Variants in FAM83B observed in about 807,000 individuals in gnomAD.
FAM83B encodes protein FAM83B.
Under a neutral mutation model 38.8 loss-of-function variants are expected in FAM83B, and 26 were observed. That is an observed-to-expected ratio of 0.67 (90% CI 0.49 to 0.93). FAM83B has a LOEUF of 0.93. FAM83B is among the 40% of genes least tolerant of loss of function. The pLI is 0.00. For synonymous variants in FAM83B, 419 were observed against 423.1 expected (o/e 0.99, Z 0.12); for missense variants, 1,237 against 1,197.3 (o/e 1.03, Z -0.49).
intron 1 of FAM83B, among the ~76,000 whole-genome samples, chr6:54,867,649 T>C (rs1248520250): frequency 2.6e-5 from 4 of 152,140 alleles, no homozygotes; most frequent in Middle Eastern, 3.2e-3. Flanking sequence ...AATTTATCTA[T>C]GTTTTCATGG....
chr6:54,891,688 CCTCT>C lies in FAM83B; in HGVS notation c.444+21005_444+21008del, dbSNP rs1221527141. The stretch of plus-strand genomic sequence containing the variant: ...GAAAACTCACTACACTTTTTCTCAT[CCTCT>C]CTCTCTGTTAAAGGCATCATCACAT... On this transcript the variant is annotated intron_variant, in intron 2 of 4. Coordinates refer to ENST00000306858, the MANE Select transcript of FAM83B (RefSeq NM_001010872.3). Among the ~76,000 whole-genome samples, 5 of 152,116 alleles carry C rather than the reference CCTCT, an allele frequency of 3.3e-5. No individual in the cohort carries two copies. In the East Asian group the frequency reaches 9.6e-4, roughly 29 times the overall value.
chr6:54,859,531 C>G (rs1771527030), intron 1 of FAM83B, among the ~76,000 whole-genome samples: 2 of 152,160 alleles, frequency 1.3e-5, no homozygotes, highest in African/African-American at 4.8e-5. Context: ...TCTCTGCCAT[C>G]ATAGAGCTCA....
intron 2 of FAM83B, among the ~76,000 whole-genome samples, chr6:54,891,674 A>G (rs1486529911): frequency 1.3e-5 from 2 of 152,146 alleles, no homozygotes; most frequent in Non-Finnish European, 2.9e-5. Context: ...AAAACTCACT[A>G]CACTTTTTCT....
chr6:54,850,728 T>G (rs1369135132), intron 1 of FAM83B, among the ~76,000 whole-genome samples: 2 of 152,122 alleles, frequency 1.3e-5, no homozygotes, highest in African/African-American at 4.8e-5. Context: ...TTAAAAGTAC[T>G]ATATTTTAAC....
At chr6:54,934,736 T>G (rs918856208) in intron 4 of FAM83B, among the ~76,000 whole-genome samples, 1 of 152,148 alleles carries the variant, frequency 6.6e-6, no homozygotes, top group Non-Finnish European at 1.5e-5. Flanking sequence ...GAGTGCTTCA[T>G]GGGAAAGGAA....
intron 2 of FAM83B, among the ~76,000 whole-genome samples, chr6:54,889,004 T>G (rs1561915386): frequency 6.6e-6 from 1 of 152,102 alleles, no homozygotes; most frequent in Non-Finnish European, 1.5e-5. Flanking sequence ...ATAGATATCT[T>G]TCAATCACTA....
rs192523695 is a variant in FAM83B, at chr6:54,870,184, C to T, written c.-60-3C>T. 1.5e-5 allele frequency: 18 copies of T among 1,233,340 alleles called. No individual in the cohort carries two copies. In the Admixed American group the frequency reaches 3.6e-4, roughly 25 times the overall value. 76.4% of individuals were successfully genotyped at this position (1,233,340 alleles called of 1,614,324 possible). A position where few individuals can be genotyped will look rare whatever the true frequency, so the allele number is the denominator to read the frequency against. The stretch of plus-strand genomic sequence containing the variant: ...TCTTGATTTTCTTCTTTTCAAATAC[C>T]AGATACTTCTCACCACTGCATGAAT... On this transcript the variant is annotated splice_region_variant and splice_polypyrimidine_tract_variant and intron_variant, in intron 1 of 4. Transcript: ENST00000306858.
At chr6:54,867,857 C>T (rs769201387) in intron 1 of FAM83B, among the ~76,000 whole-genome samples, 2 of 151,986 alleles carry the variant, frequency 1.3e-5, no homozygotes, top group African/African-American at 2.4e-5. Flanking sequence ...TCAAAAGTTA[C>T]ATTTTAAAAA....
At chr6:54,856,985 C>T (rs2127572303) in intron 1 of FAM83B, among the ~76,000 whole-genome samples, 1 of 152,274 alleles carries the variant, frequency 6.6e-6, no homozygotes, top group African/African-American at 2.4e-5. Flanking sequence ...ACAATTGGCA[C>T]AAAATTATTT....
intron 1 of FAM83B, among the ~76,000 whole-genome samples, chr6:54,852,678 A>C (rs1771332832): frequency 6.6e-6 from 1 of 152,252 alleles, no homozygotes; most frequent in South Asian, 2.1e-4. Flanking sequence ...GCTAAAAGCT[A>C]AATCTCTTGT....
At chr6:54,875,958 T>C (rs1771984032) in intron 2 of FAM83B, among the ~76,000 whole-genome samples, 1 of 152,062 alleles carries the variant, frequency 6.6e-6, no homozygotes, top group Non-Finnish European at 1.5e-5. Flanking sequence ...ATTAAAAAAG[T>C]ATGAAAAAAT....
chr6:54,873,201 C>T (rs765102945), intron 2 of FAM83B, among the ~76,000 whole-genome samples: 3 of 151,648 alleles, frequency 2.0e-5, no homozygotes, highest in Non-Finnish European at 4.4e-5. Flanking sequence ...CTAGTTTCTA[C>T]CCAGATGCAA....
In FAM83B at chr6:54,898,280, A is replaced by T. The variant is rs1772583399; in HGVS notation, c.444+27590A>T. On this transcript the variant is annotated intron_variant, in intron 2 of 4. Transcript: ENST00000306858. ...CCGTCCAATATGTCTCTAGCTTAGAAAGAAATTCCCTGTTAGCCCCCCAGC... is the reference window on the plus strand; with the variant it reads ...CCGTCCAATATGTCTCTAGCTTAGATAGAAATTCCCTGTTAGCCCCCCAGC... 2.0e-5 allele frequency among the ~76,000 whole-genome samples: 3 copies of T among 152,290 alleles called. No homozygotes were observed. The South Asian group carries it at 6.2e-4, about 32-fold the overall frequency.
chr6:54,857,508 G>A (rs1771471026), intron 1 of FAM83B, among the ~76,000 whole-genome samples: 1 of 152,302 alleles, frequency 6.6e-6, no homozygotes, highest in African/African-American at 2.4e-5. Context: ...GAGTCAAGGT[G>A]AATAAGTAAG....
At chr6:54,937,203 C>T (rs151217908) in intron 4 of FAM83B, among the ~76,000 whole-genome samples, 4 of 151,474 alleles carry the variant, frequency 2.6e-5, no homozygotes, top group Non-Finnish European at 5.9e-5. Flanking sequence ...AGCATAATAG[C>T]AATTCATTTA....
intron 2 of FAM83B, among the ~76,000 whole-genome samples, chr6:54,883,134 C>CG (rs773304581): frequency 2.9e-4 from 44 of 151,764 alleles, no homozygotes; most frequent in Admixed American, 2.3e-3. Context: ...TTAGTAGAGA[C>CG]TGGTTTCACC....
At position 54,941,510 on chromosome 6, in the gene FAM83B, G is replaced by A. The variant is rs1773693858; in HGVS notation, c.2539G>A (p.Glu847Lys). The change falls in exon 5 of 5, where the codon GAA becomes AAA. Residue 847 changes from glutamate to lysine, a missense_variant. Coordinates refer to ENST00000306858, the MANE Select transcript of FAM83B (RefSeq NM_001010872.3). ...TCAAGGCAGCATCCACAAGAGTAAG[G>A]AAGATGTAACAGTTAGCCCATCTCA... ...NSQGSIHKSK[E>K]DVTVSPSQEI... 2 of 1,613,876 alleles carry A rather than the reference G, an allele frequency of 1.2e-6. No homozygotes were observed. Among genetic ancestry groups the A allele is most frequent in the South Asian group, 2.2e-5 (2 of 91,076 alleles).
At chr6:54,886,389 T>C (rs1483956722) in intron 2 of FAM83B, among the ~76,000 whole-genome samples, 2 of 152,132 alleles carry the variant, frequency 1.3e-5, no homozygotes, top group Non-Finnish European at 2.9e-5. Flanking sequence ...ATTTGCCAAT[T>C]AAGTTATTTG....
intron 1 of FAM83B, among the ~76,000 whole-genome samples, chr6:54,855,477 G>A (rs9475046): frequency 1.3e-5 from 2 of 151,934 alleles, no homozygotes; most frequent in African/African-American, 2.4e-5. Context: ...ATTCATGTCC[G>A]TTGATATCTC....
Sources: allele counts gnomAD v4.1 joint callset (sites outside exome capture counted in the v4.1 genomes callset), GRCh38; gene constraint gnomAD v4.1.1; transcripts MANE v1.5; gene names NCBI Gene and HGNC (gene_info 2026-07-23, HGNC 2026-07-21).